Variants in CRADD observed in about 807,000 individuals in gnomAD.
CRADD encodes death domain-containing protein CRADD.
CRADD carries 9 observed loss-of-function variants against 15.5 expected under a neutral mutation model. The ratio of observed to expected loss-of-function variants is 0.58; its 90% CI spans 0.35 to 1.01. CRADD has a LOEUF of 1.01. Among genes scored for constraint, CRADD ranks in the 50% least tolerant of loss-of-function variants. The pLI is 0.02. For missense variants in CRADD, 227 were observed against 250.3 expected, an observed-to-expected ratio of 0.91 and a Z score of 0.63; for synonymous variants, 118 against 107.6, an observed-to-expected ratio of 1.10 and a Z score of -0.60.
rs1268135735 is a variant in CRADD, at chr12:93,731,114, A to G, written c.298+52042A>G. Among the ~76,000 whole-genome samples the G allele has an allele frequency of 2.0e-5, 3 of 152,238 alleles. No individual in the cohort carries two copies. In the East Asian group the frequency reaches 5.8e-4, roughly 29 times the overall value. On this transcript the variant is annotated intron_variant, in intron 2 of 2. Coordinates refer to ENST00000332896, the MANE Select transcript of CRADD (RefSeq NM_003805.5). ...CTTTATATTTGAAAAACTCCAAGTC[A>G]TATACACATATGCCAAGAAAAAAGT...
Position 93,850,582 on chromosome 12 carries a change from C to CATAT in CRADD, c.*322_*325dup. 1.1e-6 allele frequency: 1 copy of CATAT among 883,404 alleles called. No homozygotes were observed. Among genetic ancestry groups the CATAT allele is most frequent in the Non-Finnish European group, 1.4e-6 (1 of 723,868 alleles). The allele number at this position is 883,404 out of a possible 1,614,324, so 54.7% of individuals were successfully genotyped here. ...ATCACAGTGGTTCAAAATATATATC[C>CATAT]ATATATATATATATCCATATATATA... On this transcript the variant is annotated 3_prime_UTR_variant, in exon 3 of 3. Coordinates refer to ENST00000332896, the MANE Select transcript of CRADD (RefSeq NM_003805.5). This position sits in a 1 kb window ranked among gnomAD's most constrained non-coding sequence, Gnocchi z 4.0.
At chr12:93,854,740 G>T (rs1958257453), downstream of CRADD, among the ~76,000 whole-genome samples, 2 of 152,064 alleles carry the variant, frequency 1.3e-5, no homozygotes, top group African/African-American at 4.8e-5. Context: ...CCTTCCACCT[G>T]CTCACTACCT....
intron 2 of CRADD, among the ~76,000 whole-genome samples, chr12:93,756,446 G>A (rs536743125): frequency 1.7e-3 from 257 of 152,286 alleles, no homozygotes; most frequent in Non-Finnish European, 2.7e-3. Flanking sequence ...TGGCCCTGGT[G>A]AACTGGACCA....
Position 93,841,359 on chromosome 12 carries a change from G to A in CRADD, c.299-8611G>A, listed in dbSNP as rs370548161. 8.3e-4 allele frequency among the ~76,000 whole-genome samples: 127 copies of A among 152,214 alleles called. 2 individuals are homozygous for A. In the South Asian group the frequency reaches 0.025, roughly 30 times the overall value. ...TCATAAAATCAGCTAGATAGCTTTT[G>A]TCCTTTTTTGATTTTCTGGAACAAC... On this transcript the variant is annotated intron_variant, in intron 2 of 2. Coordinates refer to ENST00000332896, the MANE Select transcript of CRADD (RefSeq NM_003805.5).
At chr12:93,690,229 C>G (rs138330733) in intron 2 of CRADD, among the ~76,000 whole-genome samples, 1 of 152,218 alleles carries the variant, frequency 6.6e-6, no homozygotes, top group Non-Finnish European at 1.5e-5. Flanking sequence ...CCAGAATCAC[C>G]TGAAGTGGGG....
At chr12:93,878,150 C>G (rs1958470640) in intron 2 of CRADD, among the ~76,000 whole-genome samples, 1 of 152,180 alleles carries the variant, frequency 6.6e-6, no homozygotes, top group Non-Finnish European at 1.5e-5. Flanking sequence ...GAGTCTCTGC[C>G]TGGTAATCCA....
rs183485624 is a variant in CRADD, at chr12:93,848,133, G to A, written c.299-1837G>A. On this transcript the variant is annotated intron_variant, in intron 2 of 2. Transcript: ENST00000332896. ...TTGGATGATTTCTTTTCTTCTTTGC[G>A]CTGTTTTCTGTTGCTTTATTTTTTT... 3.1e-4 allele frequency among the ~76,000 whole-genome samples: 47 copies of A among 151,254 alleles called. No homozygotes were observed. In the East Asian group the frequency reaches 7.8e-3, roughly 25 times the overall value.
At chr12:93,770,799 A>G (rs1362686250) in intron 2 of CRADD, among the ~76,000 whole-genome samples, 1 of 152,268 alleles carries the variant, frequency 6.6e-6, no homozygotes, top group Non-Finnish European at 1.5e-5. Flanking sequence ...AAAAGATTAG[A>G]ACAGCTTAGA....
rs576514703 is a variant in CRADD at position 93,890,502 on chromosome 12, G to A, written c.299-3548G>A. Among the ~76,000 whole-genome samples the A allele has an allele frequency of 4.6e-5, 7 of 152,254 alleles. No individual in the cohort carries two copies. The East Asian group carries it at 1.4e-3, about 29-fold the overall frequency. On this transcript the variant is annotated intron_variant, in intron 2 of 2. Transcript: ENST00000548483. ...TTTGAGCTCAATAAGACACGCTCCC[G>A]CAGTCAGTTTGGGACCTCTGTCCGT... is the stretch of plus-strand genomic sequence containing the variant.
chr12:93,863,254 G>C (rs1421249533), intron 2 of CRADD, among the ~76,000 whole-genome samples: 1 of 152,120 alleles, frequency 6.6e-6, no homozygotes, highest in Non-Finnish European at 1.5e-5. Flanking sequence ...AACTGGTCTT[G>C]CCCTATAACA....
At chr12:93,859,122 A>G (rs913342636) in intron 2 of CRADD, among the ~76,000 whole-genome samples, 70 of 152,356 alleles carry the variant, frequency 4.6e-4, no homozygotes, top group African/African-American at 1.6e-3. Context: ...AGTGGGGCAT[A>G]TGCTTCCATA....
chr12:93,709,241 T>G (rs1041366425), intron 2 of CRADD, among the ~76,000 whole-genome samples: 4 of 152,180 alleles, frequency 2.6e-5, no homozygotes, highest in African/African-American at 9.7e-5. Context: ...GCACAGGAAG[T>G]GATTTATTTT....
At chr12:93,766,868 G>A (rs1957031856) in intron 2 of CRADD, among the ~76,000 whole-genome samples, 1 of 152,208 alleles carries the variant, frequency 6.6e-6, no homozygotes, top group African/African-American at 2.4e-5. Flanking sequence ...CCAGAACACT[G>A]TAGAAGAAGA....
At chr12:93,706,995 G>A (rs574727358) in intron 2 of CRADD, among the ~76,000 whole-genome samples, 3 of 152,262 alleles carry the variant, frequency 2.0e-5, no homozygotes, top group South Asian at 4.1e-4. Context: ...AATGGATGCC[G>A]TGGCTTTTAC....
At chr12:93,687,383 G>T (rs1222456607) in intron 2 of CRADD, among the ~76,000 whole-genome samples, 1 of 152,082 alleles carries the variant, frequency 6.6e-6, no homozygotes, top group African/African-American at 2.4e-5. Context: ...GCTCAGCTGT[G>T]GCTATGCTTT....
intron 2 of CRADD, among the ~76,000 whole-genome samples, chr12:93,845,578 A>ATTTT (rs1555228663): frequency 0.086 from 6,675 of 77,316 alleles, 153 homozygotes; most frequent in Non-Finnish European, 0.1. Flanking sequence ...ATATATATAT[A>ATTTT]TTTTTAATAA....
At chr12:93,881,967 A>G (rs933904064) in intron 2 of CRADD, among the ~76,000 whole-genome samples, 4 of 151,824 alleles carry the variant, frequency 2.6e-5, no homozygotes, top group African/African-American at 9.7e-5. Context: ...TCTCTACTAA[A>G]AATACAAAAA....
At chr12:93,705,843 T>C (rs1955937498) in intron 2 of CRADD, among the ~76,000 whole-genome samples, 1 of 152,258 alleles carries the variant, frequency 6.6e-6, no homozygotes, top group Non-Finnish European at 1.5e-5. Context: ...TTTCGCGGCA[T>C]TACCATCTAC....
intron 2 of CRADD, among the ~76,000 whole-genome samples, chr12:93,752,673 A>G (rs1024020087): frequency 6.6e-6 from 1 of 152,308 alleles, no homozygotes; most frequent in Middle Eastern, 3.4e-3. Context: ...AATACTCCAG[A>G]TTGGGTAATT....
Sources: allele counts gnomAD v4.1 joint callset (sites outside exome capture counted in the v4.1 genomes callset), GRCh38; gene constraint gnomAD v4.1.1; non-coding constraint Gnocchi (gnomAD v3.1); transcripts MANE v1.5; gene names NCBI Gene and HGNC (gene_info 2026-07-23, HGNC 2026-07-21).